CADM1: variants seen among roughly 807,000 people sequenced by gnomAD.
The protein encoded by CADM1 is TSLC-1.
A neutral mutation model predicts 53.1 loss-of-function variants in CADM1; 15 were observed. The ratio of observed to expected loss-of-function variants is 0.28; its 90% CI spans 0.19 to 0.44. CADM1 has a LOEUF of 0.44. Among genes scored for constraint, CADM1 ranks in the 20% least tolerant of loss-of-function variants. The pLI, the probability that CADM1 is intolerant of heterozygous loss-of-function variation, is 1.00. For synonymous variants in CADM1, 281 were observed against 243.0 expected (o/e 1.16, Z -1.45); for missense variants, 434 against 611.3 (o/e 0.71, Z 3.06).
At chr11:115,379,195 C>T (rs919112022) in intron 1 of CADM1, among the ~76,000 whole-genome samples, 1 of 152,192 alleles carries the variant, frequency 6.6e-6, no homozygotes, top group Non-Finnish European at 1.5e-5. Context: ...TTTGATTTAG[C>T]AGCAGTAATG....
intron 1 of CADM1, among the ~76,000 whole-genome samples, chr11:115,365,492 C>T (rs1216122299): frequency 6.6e-6 from 1 of 151,708 alleles, no homozygotes; most frequent in African/African-American, 2.4e-5. Context: ...ATTGTTTATA[C>T]AAGAAAGATG....
At chr11:115,498,639 TC>T (rs543380583) in intron 1 of CADM1, among the ~76,000 whole-genome samples, 209 of 152,374 alleles carry the variant, frequency 1.4e-3, no homozygotes, top group African/African-American at 4.7e-3. Context: ...GGAGAAGGTC[TC>T]CTCAGTAGAA....
chr11:115,493,163 A>T (rs1258261597), intron 1 of CADM1, among the ~76,000 whole-genome samples: 1 of 152,000 alleles, frequency 6.6e-6, no homozygotes, highest in African/African-American at 2.4e-5. Context: ...AATACAAAAG[A>T]GCTTAAAAAT....
chr11:115,477,835 A>C (rs1156255383), intron 1 of CADM1, among the ~76,000 whole-genome samples: 4 of 152,222 alleles, frequency 2.6e-5, no homozygotes, highest in Admixed American at 6.5e-5. Context: ...ACACAAGAAA[A>C]CTTTACATTC....
chr11:115,502,445 T>C (rs897552177), intron 1 of CADM1, among the ~76,000 whole-genome samples: 1 of 149,966 alleles, frequency 6.7e-6, no homozygotes, highest in African/African-American at 2.5e-5. Flanking sequence ...TGGCGCTTTT[T>C]ACAATGCAGC....
At chr11:115,257,381 G>C (rs924717795) in intron 1 of CADM1, among the ~76,000 whole-genome samples, 1 of 152,176 alleles carries the variant, frequency 6.6e-6, no homozygotes, top group Non-Finnish European at 1.5e-5. Flanking sequence ...TTTCTTTGCA[G>C]AATCAGACAG....
intron 5 of CADM1, among the ~76,000 whole-genome samples, chr11:115,224,701 A>G (rs1202976806): frequency 6.6e-6 from 1 of 152,202 alleles, no homozygotes; most frequent in African/African-American, 2.4e-5. Context: ...ACTGAGGGTC[A>G]CAGCTTTTCT....
intron 8 of CADM1, among the ~76,000 whole-genome samples, chr11:115,208,049 A>T (rs1940781381): frequency 6.6e-6 from 1 of 152,218 alleles, no homozygotes; most frequent in Non-Finnish European, 1.5e-5. Flanking sequence ...AGTATAGAAA[A>T]TGGAAAGAAT....
At chr11:115,249,903 G>C (rs1942535107) in intron 1 of CADM1, among the ~76,000 whole-genome samples, 2 of 152,114 alleles carry the variant, frequency 1.3e-5, no homozygotes, top group African/African-American at 4.8e-5. Flanking sequence ...CACAATACTT[G>C]CCATTACTAG....
At chr11:115,204,771 C>T (rs562632318) in intron 8 of CADM1, among the ~76,000 whole-genome samples, 4 of 152,262 alleles carry the variant, frequency 2.6e-5, no homozygotes, top group African/African-American at 7.2e-5. Context: ...CTATACCCAC[C>T]TTCTTTATGT....
At chr11:115,332,085 A>G (rs1276910103) in intron 1 of CADM1, among the ~76,000 whole-genome samples, 1 of 152,202 alleles carries the variant, frequency 6.6e-6, no homozygotes, top group East Asian at 1.9e-4. Flanking sequence ...AAAGAATACT[A>G]TGTGAGGAAG....
chr11:115,234,847 C>T (rs1457875078), intron 3 of CADM1, among the ~76,000 whole-genome samples: 1 of 131,778 alleles, frequency 7.6e-6, no homozygotes, highest in African/African-American at 3.0e-5. Context: ...GAGTCAAGAT[C>T]ACGCCATTGC....
At chr11:115,487,354 T>A (rs921765591) in intron 1 of CADM1, among the ~76,000 whole-genome samples, 2 of 152,196 alleles carry the variant, frequency 1.3e-5, no homozygotes, top group Non-Finnish European at 2.9e-5. Context: ...AAAAAATTTA[T>A]CTTTTTCTTG....
intron 9 of CADM1, among the ~76,000 whole-genome samples, chr11:115,197,243 A>G (rs951492270): frequency 4.6e-5 from 7 of 152,232 alleles, no homozygotes; most frequent in Non-Finnish European, 8.8e-5. Context: ...CTGGTGAGTT[A>G]TCAAATGTAG....
At chr11:115,477,514 G>C (rs1949162201) in intron 1 of CADM1, among the ~76,000 whole-genome samples, 1 of 152,174 alleles carries the variant, frequency 6.6e-6, no homozygotes, top group Admixed American at 6.5e-5. Context: ...TATCCACAAT[G>C]TCAACACTGT....
intron 10 of CADM1, among the ~76,000 whole-genome samples, chr11:115,186,113 G>A (rs1444706881): frequency 4.6e-5 from 7 of 152,186 alleles, no homozygotes; most frequent in Admixed American, 2.0e-4. Context: ...GGGAAGTCGT[G>A]GGTGAGCTGG....
chr11:115,342,569 G>T (rs1945476825), intron 1 of CADM1, among the ~76,000 whole-genome samples: 1 of 152,100 alleles, frequency 6.6e-6, no homozygotes, highest in Non-Finnish European at 1.5e-5. Flanking sequence ...ACCTTGCTAT[G>T]CCAAGGATAT....
At position 115,175,301 on chromosome 11, in the gene CADM1, C is replaced by T. The variant is rs1445136850; in HGVS notation, c.*1173G>A. On this transcript the variant is annotated 3_prime_UTR_variant, in exon 12 of 12. Transcript: ENST00000331581. ...TTTCACACAGATTCGAGTTGGAAAT[C>T]CCAGCATGACAAATATCTGTAATAT... is the stretch of plus-strand genomic sequence containing the variant. 2.0e-6 allele frequency: 2 copies of T among 985,354 alleles called. No homozygotes were observed. Among genetic ancestry groups the T allele is most frequent in the Non-Finnish European group, 2.4e-6 (2 of 829,882 alleles). 61.0% of individuals were successfully genotyped at this position (985,354 alleles called of 1,614,324 possible).
rs1331822043 is a variant in CADM1 at position 115,406,667 on chromosome 11, C to T, written c.124+97604G>A. Among the ~76,000 whole-genome samples, 4 of 150,316 alleles carry T rather than the reference C, an allele frequency of 2.7e-5. No individual in the cohort carries two copies. The East Asian group carries it at 5.8e-4, about 22-fold the overall frequency. Reference sequence around the variant, plus strand: ...ATTTGTATGTTAAGAAGTGATATGGCCAGGCGCTGTGGCTCACGCCTCTAA... The same window carrying T: ...ATTTGTATGTTAAGAAGTGATATGGTCAGGCGCTGTGGCTCACGCCTCTAA... On this transcript the variant is annotated intron_variant, in intron 1 of 11. Transcript: ENST00000331581.
Sources: gnomAD v4.1 joint callset for allele counts (sites outside exome capture counted in the v4.1 genomes callset) on GRCh38, gnomAD v4.1.1 for gene constraint, MANE v1.5 for transcripts, NCBI Gene and HGNC (gene_info 2026-07-23, HGNC 2026-07-21) for gene names.